RGS20: variants seen among roughly 807,000 people sequenced by gnomAD.
The protein encoded by RGS20 is regulator of G protein signaling 20.
A neutral mutation model predicts 33.6 loss-of-function variants in RGS20; 30 were observed. The ratio of observed to expected loss-of-function variants is 0.89; its 90% confidence interval spans 0.67 to 1.21. The LOEUF (loss-of-function observed/expected upper bound fraction) is 1.21. Among genes scored for constraint, RGS20 ranks in the 50% most tolerant of loss-of-function variants. RGS20 has a pLI of 0.00. For synonymous variants in RGS20, 208 were observed against 197.9 expected (o/e 1.05, Z -0.43); for missense variants, 472 against 502.4 (o/e 0.94, Z 0.58).
chr8:53,893,656 C>T (rs1197470320), intron 2 of RGS20, among the ~76,000 whole-genome samples: 3 of 152,204 alleles, frequency 2.0e-5, no homozygotes, highest in Admixed American at 2.0e-4. Context: ...ATGCAACAAC[C>T]TGAAATTTAT....
intron 2 of RGS20, among the ~76,000 whole-genome samples, chr8:53,918,771 C>T (rs562636640): frequency 1.1e-4 from 17 of 152,210 alleles, no homozygotes. Flanking sequence ...TAAATATTGC[C>T]TCGTATGGAC....
At chr8:53,931,280 G>A (rs140999338) in intron 2 of RGS20, among the ~76,000 whole-genome samples, 16 of 152,296 alleles carry the variant, frequency 1.1e-4, no homozygotes, top group Middle Eastern at 3.4e-3. Flanking sequence ...ATTAAGGCCA[G>A]GTGCAGTGGC....
chr8:53,952,431 A>C (rs1051711418), intron 4 of RGS20, among the ~76,000 whole-genome samples: 1 of 145,408 alleles, frequency 6.9e-6, no homozygotes, highest in African/African-American at 2.5e-5. Context: ...TGATAAACTT[A>C]AAAAAAAAAA....
At chr8:53,923,539 G>A (rs1813708659) in intron 2 of RGS20, among the ~76,000 whole-genome samples, 1 of 151,790 alleles carries the variant, frequency 6.6e-6, no homozygotes, top group Non-Finnish European at 1.5e-5. Context: ...AGGTTGCAGT[G>A]AGCCAAAATC....
chr8:53,915,239 C>T (rs906083206), intron 2 of RGS20, among the ~76,000 whole-genome samples: 6 of 152,046 alleles, frequency 3.9e-5, no homozygotes, highest in South Asian at 2.1e-4. Context: ...CCAGAGGTTG[C>T]GCAGACCAAC....
chr8:53,889,293 G>A (rs375946654), intron 2 of RGS20, among the ~76,000 whole-genome samples: 65 of 151,324 alleles, frequency 4.3e-4, no homozygotes, highest in African/African-American at 1.5e-3. Flanking sequence ...GGCTACTAAT[G>A]ATGTTAAGCA....
chr8:53,937,791 C>T (rs531892948), intron 2 of RGS20, among the ~76,000 whole-genome samples: 100 of 152,298 alleles, frequency 6.6e-4, no homozygotes, highest in African/African-American at 2.1e-3. Context: ...AAAAGCTCAT[C>T]ATCACTGGTC....
chr8:53,878,304 C>G (rs1812253986), intron 1 of RGS20, among the ~76,000 whole-genome samples: 1 of 152,112 alleles, frequency 6.6e-6, no homozygotes, highest in Admixed American at 6.5e-5. Context: ...CTTAAAAAGC[C>G]ACTGAGTTCA....
At chr8:53,938,976 C>T (rs1814210906) in intron 2 of RGS20, among the ~76,000 whole-genome samples, 1 of 152,184 alleles carries the variant, frequency 6.6e-6, no homozygotes, top group African/African-American at 2.4e-5. Flanking sequence ...TGAGCAATTG[C>T]TCTGTACCAG....
chr8:53,867,597 C>T (rs1811949326), intron 1 of RGS20, among the ~76,000 whole-genome samples: 1 of 152,056 alleles, frequency 6.6e-6, no homozygotes, highest in African/African-American at 2.4e-5. Context: ...TTTCTAATGC[C>T]CTGTTGGTAT....
chr8:53,860,456 GT>G (rs1811784119), intron 1 of RGS20, among the ~76,000 whole-genome samples: 1 of 152,192 alleles, frequency 6.6e-6, no homozygotes, highest in African/African-American at 2.4e-5. Context: ...GTCTCAACAC[GT>G]TTTTGTAACT....
At chr8:53,867,262 G>GT (rs1307273831) in intron 1 of RGS20, among the ~76,000 whole-genome samples, 3 of 151,900 alleles carry the variant, frequency 2.0e-5, no homozygotes, top group East Asian at 1.9e-4. Context: ...AAGAGAAGTT[G>GT]TTTTTTAAAA....
At chr8:53,917,799 C>G (rs1189355506) in intron 2 of RGS20, among the ~76,000 whole-genome samples, 1 of 152,148 alleles carries the variant, frequency 6.6e-6, no homozygotes, top group African/African-American at 2.4e-5. Context: ...TTTTAGTATA[C>G]TTACAAAGTT....
At chr8:53,911,754 C>G (rs1050542079) in intron 2 of RGS20, among the ~76,000 whole-genome samples, 2 of 152,014 alleles carry the variant, frequency 1.3e-5, no homozygotes, top group Non-Finnish European at 2.9e-5. Context: ...GCCAACATAA[C>G]ATGGTGAAAC....
intron 2 of RGS20, chr8:53,879,755 C>A: frequency 1.6e-6 from 1 of 623,302 alleles, no homozygotes; most frequent in Non-Finnish European, 2.5e-6. Flanking sequence ...CTGGGCAAGT[C>A]CTAGGACGGG....
At chr8:53,948,546 CTA>C (rs1292452377) in intron 4 of RGS20, among the ~76,000 whole-genome samples, 1 of 60,988 alleles carries the variant, frequency 1.6e-5, no homozygotes, top group Non-Finnish European at 2.7e-5. Flanking sequence ...TTTACATATG[CTA>C]TATATGATAC....
At chr8:53,917,444 C>T (rs1317790535) in intron 2 of RGS20, among the ~76,000 whole-genome samples, 3 of 152,162 alleles carry the variant, frequency 2.0e-5, no homozygotes, top group Non-Finnish European at 2.9e-5. Context: ...CCACCATGCC[C>T]GGCCTCCTAC....
intron 2 of RGS20, among the ~76,000 whole-genome samples, chr8:53,902,059 C>T (rs1813047807): frequency 6.6e-6 from 1 of 151,966 alleles, no homozygotes; most frequent in South Asian, 2.1e-4. Context: ...GCTCTGTCAC[C>T]CAGGCTGAAG....
At chr8:53,947,477 TAC>T (rs1308635538) in intron 4 of RGS20, among the ~76,000 whole-genome samples, 1 of 139,444 alleles carries the variant, frequency 7.2e-6, no homozygotes, top group Non-Finnish European at 1.5e-5. Flanking sequence ...ATATAGTATA[TAC>T]ATTTATATAT....
Sources: allele counts gnomAD v4.1 joint callset (sites outside exome capture counted in the v4.1 genomes callset), GRCh38; gene constraint gnomAD v4.1.1; transcripts MANE v1.5; gene names NCBI Gene and HGNC (gene_info 2026-07-23, HGNC 2026-07-21).